Variants in PRPF39 observed in about 807,000 individuals in gnomAD.
PRPF39 encodes pre-mRNA processing factor 39, also known as pre-mRNA-processing factor 39.
Under a neutral mutation model 82.1 loss-of-function variants are expected in PRPF39, and 27 were observed. The ratio of observed to expected loss-of-function variants is 0.33; its 90% CI spans 0.24 to 0.45. The LOEUF is 0.45. PRPF39 is among the 20% of genes least tolerant of loss of function. The pLI, the probability that PRPF39 is intolerant of heterozygous loss-of-function variation, is 1.00. For missense variants in PRPF39, 581 were observed against 796.9 expected, an observed-to-expected ratio of 0.73 and a Z score of 3.26; for synonymous variants, 261 against 256.4, an observed-to-expected ratio of 1.02 and a Z score of -0.17.
In PRPF39 at chr14:45,115,496, CA is replaced by C. The variant is rs1413852386; in HGVS notation, c.*584del. The stretch of plus-strand genomic sequence containing the variant: ...AAATCATATCAAAAGTATGTTGTTT[CA>C]GGAGACTTTGTATTTAGAATATTCA... On this transcript the variant is annotated 3_prime_UTR_variant, in exon 14 of 14. Coordinates refer to ENST00000355765, the MANE Select transcript of PRPF39 (RefSeq NM_017922.4). 6.6e-6 allele frequency: 1 copy of C among 152,454 alleles called. No individual in the cohort carries two copies. The highest frequency in any genetic ancestry group is 2.4e-5 in the African/African-American group (1 of 41,400). 9.4% of individuals were successfully genotyped at this position (152,454 alleles called of 1,614,324 possible). A position where few individuals can be genotyped will look rare whatever the true frequency, so the allele number is the denominator to read the frequency against.
intron 4 of PRPF39, among the ~76,000 whole-genome samples, chr14:45,101,009 A>G (rs533468476): frequency 3.2e-4 from 49 of 152,300 alleles, no homozygotes; most frequent in Non-Finnish European, 5.4e-4. Flanking sequence ...AGTATCTCCT[A>G]TATCATACAC....
Position 45,107,543 on chromosome 14 carries a change from G to T in PRPF39, c.830G>T (p.Gly277Val), listed in dbSNP as rs1259966732. 1.3e-6 allele frequency: 2 copies of T among 1,555,878 alleles called. No individual in the cohort carries two copies. Among genetic ancestry groups the T allele is most frequent in the Non-Finnish European group, 1.7e-6 (2 of 1,148,530 alleles). Residue 277 changes from glycine to valine, a missense_variant, in exon 6 of 14, where the codon GGT becomes GTT. Coordinates refer to ENST00000355765, the MANE Select transcript of PRPF39 (RefSeq NM_017922.4). The part of the protein sequence containing the change: ...QLRRELASVN[G>V]HSGDDGPPGD... ...CGAAGGGAATTAGCTTCTGTAAATGGTCATAGTGGTGATGATGGTCCTCCT... is the reference window on the plus strand; with the variant it reads ...CGAAGGGAATTAGCTTCTGTAAATGTTCATAGTGGTGATGATGGTCCTCCT...
At chr14:45,106,937 TCA>T (rs1239620194) in intron 5 of PRPF39, among the ~76,000 whole-genome samples, 4 of 152,192 alleles carry the variant, frequency 2.6e-5, no homozygotes, top group Non-Finnish European at 2.9e-5. Flanking sequence ...TTTTGCGTAC[TCA>T]CATGTGGATG....
At chr14:45,114,412 A>G in intron 12 of PRPF39, 82 bp from the exon 13 acceptor site, 2 of 1,429,276 alleles carry the variant, frequency 1.4e-6, no homozygotes, top group Non-Finnish European at 1.9e-6. Flanking sequence ...CAGTAAAACA[A>G]ATATACAGAT....
intron 4 of PRPF39, among the ~76,000 whole-genome samples, chr14:45,102,232 A>G (rs750507530): frequency 2.6e-5 from 4 of 152,160 alleles, no homozygotes; most frequent in Non-Finnish European, 5.9e-5. Flanking sequence ...GACATTTCAG[A>G]TTTAACAAAT....
Position 45,114,898 on chromosome 14 carries a change from T to TC in PRPF39, c.2000dup (p.Pro668SerfsTer8). 6.3e-7 allele frequency: 1 copy of TC among 1,597,460 alleles called. No homozygotes were observed. The highest frequency in any genetic ancestry group is 8.6e-7 in the Non-Finnish European group (1 of 1,165,546). ...CTTGGAATTATGGACAATATTATCC[T>TC]CCCCCTCCAACCTGATGGGAAAAAT... is the stretch of plus-strand genomic sequence containing the variant. On this transcript the variant is annotated frameshift_variant, in exon 14 of 14. Coordinates refer to ENST00000355765, the MANE Select transcript of PRPF39 (RefSeq NM_017922.4). LOFTEE classifies it high-confidence loss of function.
At chr14:45,100,503 T>G (rs890859578) in intron 4 of PRPF39, among the ~76,000 whole-genome samples, 3 of 152,226 alleles carry the variant, frequency 2.0e-5, no homozygotes, top group African/African-American at 7.2e-5. Context: ...AGTTGAAGAT[T>G]TCTCACGATT....
intron 7 of PRPF39, 109 bp from the exon 8 acceptor site, chr14:45,109,507 A>G: frequency 2.2e-6 from 2 of 925,558 alleles, no homozygotes; most frequent in South Asian, 3.3e-5. Context: ...AATATGATTA[A>G]AAATTTTAAT....
chr14:45,111,990 A>AT (rs201924892), intron 10 of PRPF39, among the ~76,000 whole-genome samples: 2 of 151,332 alleles, frequency 1.3e-5, no homozygotes, highest in East Asian at 1.9e-4. Context: ...AAGCATAGAG[A>AT]TTTTTTTTTA....
At chr14:45,093,279 G>T (rs1352324831) in intron 1 of PRPF39, among the ~76,000 whole-genome samples, 1 of 146,130 alleles carries the variant, frequency 6.8e-6, no homozygotes, top group Admixed American at 6.8e-5. Context: ...CTGGAGTGCA[G>T]TGGCACGATC....
chr14:45,112,695 G>A (rs1472835605), intron 11 of PRPF39, among the ~76,000 whole-genome samples, 193 bp downstream of exon 11: 3 of 152,168 alleles, frequency 2.0e-5, no homozygotes, highest in Admixed American at 2.0e-4. Flanking sequence ...AAGGCATAAG[G>A]TTTGTCTTTC....
intron 8 of PRPF39, 129 bp downstream of exon 8, chr14:45,109,909 C>A: frequency 6.6e-7 from 1 of 1,514,592 alleles, no homozygotes; most frequent in South Asian, 1.3e-5. Flanking sequence ...GGTCTGCTTG[C>A]AACCAGATTT....
intron 4 of PRPF39, 23 bp from the exon 5 acceptor site, chr14:45,102,506 T>A (rs769198453): frequency 1.3e-6 from 2 of 1,554,894 alleles, no homozygotes; most frequent in East Asian, 4.5e-5. Flanking sequence ...GAAAGATAAC[T>A]TAAGAGTAAT....
rs1883915744 is a variant in PRPF39 at position 45,088,528 on chromosome 14, A to G, written c.-20+4279A>G. Reference sequence around the variant, plus strand: ...GAATGTCTGGGCTGTACAAGTTAGTAGAGAAGAGGCAAGAGTTTTGGTGTT... The same window carrying G: ...GAATGTCTGGGCTGTACAAGTTAGTGGAGAAGAGGCAAGAGTTTTGGTGTT... On this transcript the variant is annotated intron_variant, in intron 1 of 13. Coordinates refer to ENST00000355765, the MANE Select transcript of PRPF39 (RefSeq NM_017922.4). 2.6e-5 allele frequency among the ~76,000 whole-genome samples: 4 copies of G among 152,226 alleles called. No homozygotes were observed. The South Asian group carries it at 8.3e-4, about 32-fold the overall frequency.
chr14:45,110,529 C>G lies in PRPF39; in HGVS notation c.1304-20C>G. 6.5e-7 allele frequency: 1 copy of G among 1,544,940 alleles called. No individual in the cohort carries two copies. Among genetic ancestry groups the G allele is most frequent in the South Asian group, 1.2e-5 (1 of 83,682 alleles). On this transcript the variant is annotated intron_variant, in intron 9 of 13. Coordinates refer to ENST00000355765, the MANE Select transcript of PRPF39 (RefSeq NM_017922.4). The surrounding 1 kb of genome is among the most constrained non-coding windows in gnomAD (Gnocchi z 4.0). ...TTGGTTGTTTAAACCAAAGCATAAA[C>G]ATTTAATTACTGTTTCTAGGTAATA...
At chr14:45,091,925 A>T (rs1391876296) in intron 1 of PRPF39, among the ~76,000 whole-genome samples, 1 of 152,194 alleles carries the variant, frequency 6.6e-6, no homozygotes, top group African/African-American at 2.4e-5. Flanking sequence ...TTATTTCCTT[A>T]CACAATAGGA....
chr14:45,103,730 C>T (rs1884445348), intron 5 of PRPF39, among the ~76,000 whole-genome samples: 1 of 152,068 alleles, frequency 6.6e-6, no homozygotes, highest in African/African-American at 2.4e-5. Flanking sequence ...AAGATGTTAA[C>T]ACAAGTAAGA....
intron 11 of PRPF39, among the ~76,000 whole-genome samples, chr14:45,112,720 T>C (rs1256377134): frequency 1.3e-5 from 2 of 152,226 alleles, no homozygotes; most frequent in Admixed American, 6.5e-5. Flanking sequence ...AAAACTGTTT[T>C]CCCAATTTTA....
rs2139072564 is a variant in PRPF39, at chr14:45,116,105, C to G, written c.*1192C>G. 1 of 879,026 alleles carries G rather than the reference C, an allele frequency of 1.1e-6. No homozygotes were observed. The highest frequency in any genetic ancestry group is 1.9e-6 in the Non-Finnish European group (1 of 539,842). 54.5% of individuals were successfully genotyped at this position (879,026 alleles called of 1,614,324 possible). ...AATTTTCCAGTTGACTCTTCCTTTA[C>G]AATAGTAACAAGTTCTAACTAGTTG... On this transcript the variant is annotated 3_prime_UTR_variant, in exon 14 of 14. Transcript: ENST00000355765.
Sources: allele counts gnomAD v4.1 joint callset (sites outside exome capture counted in the v4.1 genomes callset), GRCh38; gene constraint gnomAD v4.1.1; non-coding constraint Gnocchi (gnomAD v3.1); transcripts MANE v1.5; gene names NCBI Gene and HGNC (gene_info 2026-07-23, HGNC 2026-07-21).